The following ZNF385D variants were observed in gnomAD, a reference collection of about 807,000 sequenced individuals.
ZNF385D encodes zinc finger protein 385D, also known as zinc finger protein 659.
A neutral mutation model predicts 35.8 loss-of-function variants in ZNF385D; 15 were observed. The ratio of observed to expected loss-of-function variants is 0.42; its 90% CI spans 0.28 to 0.64. The LOEUF is 0.64. Among genes scored for constraint, ZNF385D ranks in the 30% least tolerant of loss-of-function variants. The pLI is 0.23. For missense variants in ZNF385D, 474 were observed against 494.6 expected (o/e 0.96, Z 0.39); for synonymous variants, 212 against 186.8 (o/e 1.13, Z -1.10).
At chr3:21,931,954 G>A (rs974563107) in intron 3 of ZNF385D, among the ~76,000 whole-genome samples, 4 of 151,768 alleles carry the variant, frequency 2.6e-5, no homozygotes, top group Non-Finnish European at 4.4e-5. Context: ...GAGGTCATGA[G>A]ATCAAGATCG....
At position 22,048,805 on chromosome 3, in the gene ZNF385D, G is replaced by T. The variant is rs78216045; in HGVS notation, c.325+120012C>A. Among the ~76,000 whole-genome samples, 7 of 152,118 alleles carry T rather than the reference G, an allele frequency of 4.6e-5. No individual in the cohort carries two copies. In the East Asian group the frequency reaches 1.3e-3, roughly 29 times the overall value. The stretch of plus-strand genomic sequence containing the variant: ...AAAATGTCATTGGAATTTTGATAGT[G>T]ATTGCATGGAATTAGTAGATCACTT... On this transcript the variant is annotated intron_variant, in intron 3 of 5. Transcript: ENST00000494108.
chr3:21,971,074 C>T (rs1231209684), intron 3 of ZNF385D, among the ~76,000 whole-genome samples: 1 of 151,978 alleles, frequency 6.6e-6, no homozygotes, highest in African/African-American at 2.4e-5. Flanking sequence ...AAAGGGAGCT[C>T]TTCAATTTGA....
intron 2 of ZNF385D, among the ~76,000 whole-genome samples, chr3:22,309,614 T>TA (rs1703426263): frequency 6.6e-6 from 1 of 152,028 alleles, no homozygotes; most frequent in Non-Finnish European, 1.5e-5. Context: ...AAAATATATT[T>TA]AGCTAGCTTT....
intron 3 of ZNF385D, among the ~76,000 whole-genome samples, chr3:22,000,949 T>C (rs34136013): frequency 6.6e-6 from 1 of 151,254 alleles, no homozygotes; most frequent in Non-Finnish European, 1.5e-5. Context: ...TTATCTGCCA[T>C]CATAAAAATA....
At chr3:22,103,213 C>CG (rs1702034109) in intron 3 of ZNF385D, among the ~76,000 whole-genome samples, 4 of 49,974 alleles carry the variant, frequency 8.0e-5, no homozygotes, top group Admixed American at 6.3e-4. Context: ...GCCCTGGGGC[C>CG]ATTTTTTTTT....
Position 21,697,532 on chromosome 3 carries a change from T to C in ZNF385D, c.23-32504A>G, listed in dbSNP as rs541101285. 3.0e-4 allele frequency among the ~76,000 whole-genome samples: 45 copies of C among 152,208 alleles called. 1 individual carries two copies. The South Asian group carries it at 9.3e-3, about 32-fold the overall frequency. ...CCACTAGTCCTATATGGCTATTGAA[T>C]ACTTAAAATGTGGCTGGTCCATTTG... On this transcript the variant is annotated intron_variant, in intron 1 of 7. Transcript: ENST00000281523.
At chr3:22,342,051 A>C (rs1695445365) in intron 2 of ZNF385D, among the ~76,000 whole-genome samples, 1 of 151,980 alleles carries the variant, frequency 6.6e-6, no homozygotes, top group Non-Finnish European at 1.5e-5. Context: ...CAAGGCAGGC[A>C]GATCACGAGG....
chr3:21,560,623 A>T (rs552619502), intron 3 of ZNF385D, among the ~76,000 whole-genome samples: 5 of 152,202 alleles, frequency 3.3e-5, no homozygotes, highest in Non-Finnish European at 7.4e-5. Context: ...CATGGGGGTC[A>T]GGGACCCACT....
At chr3:21,763,301 A>T (rs1335496966) in intron 3 of ZNF385D, among the ~76,000 whole-genome samples, 1 of 152,132 alleles carries the variant, frequency 6.6e-6, no homozygotes, top group Non-Finnish European at 1.5e-5. Flanking sequence ...TTCAATCATG[A>T]TGTTCTTCTC....
chr3:22,223,426 T>G (rs1053206543), intron 2 of ZNF385D, among the ~76,000 whole-genome samples: 1 of 152,116 alleles, frequency 6.6e-6, no homozygotes, highest in Non-Finnish European at 1.5e-5. Context: ...CTGCACTGTA[T>G]CACGTACTTG....
chr3:21,606,530 T>C (rs1453926319), intron 2 of ZNF385D, among the ~76,000 whole-genome samples: 1 of 152,202 alleles, frequency 6.6e-6, no homozygotes, highest in Non-Finnish European at 1.5e-5. Context: ...ATGAAGAAAC[T>C]GAGTCCTAAA....
At chr3:22,354,379 C>T (rs1012045427) in intron 2 of ZNF385D, among the ~76,000 whole-genome samples, 3 of 152,036 alleles carry the variant, frequency 2.0e-5, no homozygotes, top group African/African-American at 4.8e-5. Context: ...ATGTTGGCTG[C>T]TGTTGCTGCT....
chr3:21,594,672 A>C (rs1464304685), intron 2 of ZNF385D, among the ~76,000 whole-genome samples: 2 of 152,166 alleles, frequency 1.3e-5, no homozygotes, highest in Non-Finnish European at 2.9e-5. Flanking sequence ...GTCTGATGTG[A>C]AATATAAGCC....
At position 21,821,763 on chromosome 3, in the gene ZNF385D, C is replaced by G. The variant is rs377582522; in HGVS notation, c.326-156735G>C. 2.3e-4 allele frequency among the ~76,000 whole-genome samples: 35 copies of G among 152,064 alleles called. No homozygotes were observed. The South Asian group carries it at 5.4e-3, about 23-fold the overall frequency. ...ACCATGTCAGCTCAGGAGTTCGAGACCAGACTGAGCAACACAATGAGAACC... is the reference window on the plus strand; with the variant it reads ...ACCATGTCAGCTCAGGAGTTCGAGAGCAGACTGAGCAACACAATGAGAACC... On this transcript the variant is annotated intron_variant, in intron 3 of 5. Transcript: ENST00000494108.
At chr3:21,629,070 T>C (rs2065210562) in intron 2 of ZNF385D, among the ~76,000 whole-genome samples, 1 of 152,164 alleles carries the variant, frequency 6.6e-6, no homozygotes, top group South Asian at 2.1e-4. Context: ...TTTGGTTGGC[T>C]AAAATGCAGA....
At chr3:21,560,689 G>A (rs1489822210) in intron 3 of ZNF385D, among the ~76,000 whole-genome samples, 1 of 152,218 alleles carries the variant, frequency 6.6e-6, no homozygotes, top group Admixed American at 6.5e-5. Flanking sequence ...GAGATCCGCT[G>A]CTCTCTTCAG....
At chr3:22,066,215 A>G (rs1414052251) in intron 3 of ZNF385D, among the ~76,000 whole-genome samples, 4 of 152,028 alleles carry the variant, frequency 2.6e-5, no homozygotes, top group Non-Finnish European at 5.9e-5. Context: ...TGCTCAGAAA[A>G]GAAAAGAGAG....
intron 2 of ZNF385D, among the ~76,000 whole-genome samples, chr3:22,279,620 A>AT (rs1229099599): frequency 9.9e-6 from 1 of 101,260 alleles, no homozygotes; most frequent in African/African-American, 4.0e-5. Context: ...ATATACATAT[A>AT]TGTATATGTG....
intron 3 of ZNF385D, among the ~76,000 whole-genome samples, chr3:21,564,164 CAA>C (rs975885056): frequency 6.6e-6 from 1 of 151,688 alleles, no homozygotes; most frequent in African/African-American, 2.4e-5. Context: ...CCATTCCAGG[CAA>C]AAAAAGTTTA....
Sources: allele counts gnomAD v4.1 joint callset (sites outside exome capture counted in the v4.1 genomes callset), GRCh38; gene constraint gnomAD v4.1.1; transcripts MANE v1.5; gene names NCBI Gene and HGNC (gene_info 2026-07-23, HGNC 2026-07-21).